MALRD1: variants seen among roughly 807,000 people sequenced by gnomAD.
The protein encoded by MALRD1 is MAM and LDL-receptor class A domain-containing protein 1.
In MALRD1, 247 loss-of-function variants were observed where a neutral mutation model predicts 242.1. The observed-to-expected ratio is 1.02, with a 90% CI of 0.92 to 1.13. MALRD1 has a LOEUF of 1.13. MALRD1 is among the 50% of genes most tolerant of loss of function. The pLI is 0.00. For missense variants in MALRD1, 2,989 were observed against 2,533.1 expected (o/e 1.18, Z -3.86); for synonymous variants, 995 against 866.6 (o/e 1.15, Z -2.60).
At chr10:19,053,157 G>A (rs7083348) in intron 1 of MALRD1, among the ~76,000 whole-genome samples, 105,112 of 152,068 alleles carry the variant, frequency 0.69, 37,269 homozygotes, top group African/African-American at 0.86. Flanking sequence ...AGTCACCAGG[G>A]TTACTTAGGT....
chr10:19,516,236 T>C (rs887922224), intron 31 of MALRD1, among the ~76,000 whole-genome samples: 7 of 152,328 alleles, frequency 4.6e-5, no homozygotes, highest in African/African-American at 1.7e-4. Flanking sequence ...GAAAATAATT[T>C]GTGTTAGTTT....
chr10:19,406,489 C>G (rs1007225991), intron 28 of MALRD1, among the ~76,000 whole-genome samples: 2 of 152,034 alleles, frequency 1.3e-5, no homozygotes, highest in Non-Finnish European at 2.9e-5. Flanking sequence ...AGCTGGGCCT[C>G]GATGAGATCC....
chr10:19,471,347 G>A (rs571379722), intron 29 of MALRD1, among the ~76,000 whole-genome samples: 1 of 151,882 alleles, frequency 6.6e-6, no homozygotes, highest in African/African-American at 2.4e-5. Flanking sequence ...TTTGTAATAT[G>A]TTTTGAAATC....
chr10:19,126,001 A>C (rs1450730919), intron 7 of MALRD1, among the ~76,000 whole-genome samples: 2 of 152,178 alleles, frequency 1.3e-5, no homozygotes, highest in South Asian at 4.1e-4. Flanking sequence ...AAAATGTTTT[A>C]AAATTGTTCT....
chr10:19,072,614 A>C (rs577108606), intron 2 of MALRD1, among the ~76,000 whole-genome samples: 1 of 152,222 alleles, frequency 6.6e-6, no homozygotes, highest in Admixed American at 6.5e-5. Context: ...TTGGACATAA[A>C]TGAATAAAGA....
intron 32 of MALRD1, among the ~76,000 whole-genome samples, chr10:19,537,726 TCTTA>T (rs1179146582): frequency 4.6e-5 from 7 of 152,198 alleles, no homozygotes; most frequent in African/African-American, 1.4e-4. Context: ...CTGTCATTTC[TCTTA>T]CTTGACTTCA....
At chr10:19,666,558 A>C (rs1287141429) in intron 36 of MALRD1, among the ~76,000 whole-genome samples, 1 of 152,150 alleles carries the variant, frequency 6.6e-6, no homozygotes, top group Non-Finnish European at 1.5e-5. Context: ...TACCAAACTT[A>C]AATTCCATGA....
chr10:19,544,702 TA>T (rs1421185478), intron 32 of MALRD1, among the ~76,000 whole-genome samples: 3 of 152,144 alleles, frequency 2.0e-5, no homozygotes, highest in Non-Finnish European at 2.9e-5. Context: ...TCATCCTCTC[TA>T]ACAGCTCTAT....
At chr10:19,049,902 G>C (rs7893968) in intron 1 of MALRD1, among the ~76,000 whole-genome samples, 10,117 of 151,880 alleles carry the variant, frequency 0.067, 561 homozygotes, top group East Asian at 0.15. Context: ...CAATCTTCAG[G>C]GTTCACCATA....
chr10:19,140,543 ATGTG>A (rs34024633), intron 10 of MALRD1, among the ~76,000 whole-genome samples: 2,347 of 146,900 alleles, frequency 0.016, 49 homozygotes, highest in Admixed American at 0.02. Flanking sequence ...GTGTGTGTGT[ATGTG>A]TGTGTGTGTG....
intron 33 of MALRD1, among the ~76,000 whole-genome samples, chr10:19,588,032 C>T (rs970835365): frequency 1.3e-5 from 2 of 151,688 alleles, no homozygotes; most frequent in African/African-American, 2.4e-5. Context: ...TGCAAAAGTC[C>T]TTTATGTAAA....
Position 19,215,753 on chromosome 10 carries a change from TA to T in MALRD1, c.2991+6074del, listed in dbSNP as rs1837286069. On this transcript the variant is annotated intron_variant, in intron 18 of 39. Coordinates refer to ENST00000454679, the MANE Select transcript of MALRD1 (RefSeq NM_001142308.3). ...TAAATAATTTAGTATAAATAATAATTAGTATAAACAAATAATTTAGTATAAT... is the reference window on the plus strand; with the variant it reads ...TAAATAATTTAGTATAAATAATAATTGTATAAACAAATAATTTAGTATAAT... Among the ~76,000 whole-genome samples the T allele has an allele frequency of 2.3e-5, 2 of 87,222 alleles. 1 individual carries two copies. The highest frequency in any genetic ancestry group is 5.7e-5 in the Non-Finnish European group (2 of 35,066). 57.2% of individuals were successfully genotyped at this position (87,222 alleles called of 152,430 possible).
chr10:19,671,454 C>T (rs191428063), intron 36 of MALRD1, among the ~76,000 whole-genome samples: 139 of 152,116 alleles, frequency 9.1e-4, no homozygotes, highest in Middle Eastern at 6.8e-3. Flanking sequence ...CTCATCTCTA[C>T]TAAAAATATA....
intron 21 of MALRD1, among the ~76,000 whole-genome samples, chr10:19,295,365 T>C (rs2131937512): frequency 6.6e-6 from 1 of 152,214 alleles, no homozygotes; most frequent in Non-Finnish European, 1.5e-5. Flanking sequence ...ATTTTCTAAT[T>C]TGACAAGTTA....
chr10:19,371,033 AGGT>A (rs1041359207), intron 26 of MALRD1, among the ~76,000 whole-genome samples: 16 of 145,616 alleles, frequency 1.1e-4, no homozygotes, highest in Non-Finnish European at 1.8e-4. Flanking sequence ...TATTTTTAAG[AGGT>A]GGTAGGAGTT....
chr10:19,254,030 T>A (rs1839405223), intron 18 of MALRD1, among the ~76,000 whole-genome samples: 1 of 152,052 alleles, frequency 6.6e-6, no homozygotes, highest in African/African-American at 2.4e-5. Context: ...ACATGTTATC[T>A]TCTCCTTCTG....
intron 38 of MALRD1, among the ~76,000 whole-genome samples, chr10:19,696,228 C>G (rs1051333713): frequency 2.0e-5 from 3 of 152,200 alleles, no homozygotes. Context: ...ATCTTTTCAA[C>G]CCATTACCCA....
chr10:19,685,331 G>A (rs1452008619), intron 36 of MALRD1, among the ~76,000 whole-genome samples: 3 of 152,018 alleles, frequency 2.0e-5, no homozygotes, highest in East Asian at 1.9e-4. Flanking sequence ...TTCCCCAGCC[G>A]TGGCTTGTCC....
intron 28 of MALRD1, among the ~76,000 whole-genome samples, chr10:19,445,348 T>C (rs1201904526): frequency 6.6e-6 from 1 of 152,222 alleles, no homozygotes; most frequent in Admixed American, 6.5e-5. Context: ...CTTTGTTCCG[T>C]TGCTGACTAG....
Sources: allele counts gnomAD v4.1 joint callset (sites outside exome capture counted in the v4.1 genomes callset), GRCh38; gene constraint gnomAD v4.1.1; transcripts MANE v1.5; gene names NCBI Gene and HGNC (gene_info 2026-07-23, HGNC 2026-07-21).